Variants in GSTZ1 observed in about 807,000 individuals in gnomAD.
GSTZ1 encodes the protein glutathione S-transferase zeta 1.
Under a neutral mutation model 35.9 loss-of-function variants are expected in GSTZ1, and 34 were observed. The observed-to-expected ratio is 0.95, with a 90% CI of 0.72 to 1.26. GSTZ1 has a LOEUF of 1.26. GSTZ1 is among the 50% of genes most tolerant of loss of function. The probability of loss-of-function intolerance (pLI) is 0.00; values close to 1 mark genes in which losing one functional copy is unlikely to be tolerated. For missense variants in GSTZ1, 263 were observed against 271.7 expected, an observed-to-expected ratio of 0.97 and a Z score of 0.23; for synonymous variants, 93 against 101.2, an observed-to-expected ratio of 0.92 and a Z score of 0.49.
chr14:77,321,532 C>G (rs1003121145), intron 1 of GSTZ1: 1 of 1,311,548 alleles, frequency 7.6e-7, no homozygotes. Flanking sequence ...TTCTCGCAGC[C>G]CTTCATGCTC....
chr14:77,328,381 T>C (rs886300685), intron 5 of GSTZ1: 16 of 301,126 alleles, frequency 5.3e-5, no homozygotes, highest in African/African-American at 3.0e-4. Context: ...CTGTGCTATC[T>C]CAGTCATATA....
Position 77,329,823 on chromosome 14 carries a change from A to G in GSTZ1, c.474+16A>G, listed in dbSNP as rs1006293114. 13 of 1,603,824 alleles carry G rather than the reference A, an allele frequency of 8.1e-6. No individual in the cohort carries two copies. In the African/African-American group the frequency reaches 1.6e-4, roughly 20 times the overall value. On this transcript the variant is annotated intron_variant, in intron 7 of 8. Coordinates refer to ENST00000216465, the MANE Select transcript of GSTZ1 (RefSeq NM_145870.3). The stretch of plus-strand genomic sequence containing the variant: ...AGGAGACGAGGTAAGCTGTCCCCAG[A>G]CCTCCCCAGGCCCAGCCACAGTGGC...
At chr14:77,325,319 G>C in intron 2 of GSTZ1, 1 of 226,462 alleles carries the variant, frequency 4.4e-6, no homozygotes, top group Non-Finnish European at 9.0e-6. Context: ...AGCCTCGGAG[G>C]CTTCAGAAAA....
At chr14:77,329,025 G>A in intron 5 of GSTZ1, 98 bp from the exon 6 acceptor site, 1 of 857,708 alleles carries the variant, frequency 1.2e-6, no homozygotes, top group South Asian at 1.3e-5. Flanking sequence ...CATCCAGCCA[G>A]GGGCAGATGG....
chr14:77,330,949 C>A, intron 8 of GSTZ1, 120 bp from the exon 9 acceptor site: 1 of 893,200 alleles, frequency 1.1e-6, no homozygotes, highest in Non-Finnish European at 1.7e-6. Flanking sequence ...GCCCCATCGT[C>A]CTTCCCTGGA....
At chr14:77,329,074 C>A in intron 5 of GSTZ1, 49 bp from the exon 6 acceptor site, 1 of 1,321,568 alleles carries the variant, frequency 7.6e-7, no homozygotes. Context: ...GAAGGGGTAG[C>A]CCCCACCCAG....
chr14:77,330,222 C>T (rs754594591), intron 7 of GSTZ1, 88 bp from the exon 8 acceptor site: 8 of 904,282 alleles, frequency 8.8e-6, no homozygotes, highest in Non-Finnish European at 1.3e-5. Context: ...TTGTTGGTAC[C>T]CCCAGTAGAG....
chr14:77,324,428 G>A (rs1326348019), intron 1 of GSTZ1: 1 of 656,720 alleles, frequency 1.5e-6, no homozygotes, highest in Non-Finnish European at 2.8e-6. Flanking sequence ...TTACAGGCGT[G>A]AGCCACTGTG....
In GSTZ1 at chr14:77,327,623, C is replaced by G. The variant is rs74063327; in HGVS notation, c.216+71C>G. 1.6e-5 allele frequency: 17 copies of G among 1,031,872 alleles called. No homozygotes were observed. In the African/African-American group the frequency reaches 1.9e-4, roughly 11 times the overall value. 63.9% of individuals were successfully genotyped at this position (1,031,872 alleles called of 1,614,324 possible). Reference sequence around the variant, plus strand: ...GAATGAGAGCGCCTGACATCTCTTCCTCGCCTGTGTACAGTCAAGGTGCCT... The same window carrying G: ...GAATGAGAGCGCCTGACATCTCTTCGTCGCCTGTGTACAGTCAAGGTGCCT... On this transcript the variant is annotated intron_variant, in intron 4 of 8. Coordinates refer to ENST00000216465, the MANE Select transcript of GSTZ1 (RefSeq NM_145870.3).
At position 77,327,499 on chromosome 14, in the gene GSTZ1, C is replaced by A. The variant is rs1174410527; in HGVS notation, c.163C>A (p.Pro55Thr). ...TTCTAAGGACTTCCAGGCACTGAAT[C>A]CTATGAAGCAGGTGCCAACCCTGAA... ...QFSKDFQALN[P>T]MKQVPTLKID... The change falls in exon 4 of 9, where the codon CCT (proline) becomes ACT (threonine). Residue 55 changes from proline to threonine, a missense_variant. Pro to Thr is a conservative substitution (Grantham distance 38, BLOSUM62 -1). Coordinates refer to ENST00000216465, the MANE Select transcript of GSTZ1 (RefSeq NM_145870.3). 6.2e-7 allele frequency: 1 copy of A among 1,608,550 alleles called. No individual in the cohort carries two copies.
chr14:77,329,230 A>G (rs1374664375), intron 6 of GSTZ1, 29 bp downstream of exon 6: 2 of 1,430,222 alleles, frequency 1.4e-6, no homozygotes, highest in Admixed American at 3.3e-5. Context: ...GAGCTGCCCC[A>G]CAGTGGCCTC....
At chr14:77,329,966 A>G (rs1291029807) in intron 7 of GSTZ1, 159 bp downstream of exon 7, 2 of 665,720 alleles carry the variant, frequency 3.0e-6, no homozygotes, top group African/African-American at 3.6e-5. Flanking sequence ...CTTAAGAGGG[A>G]GTTACTCAAG....
chr14:77,330,972 C>A, intron 8 of GSTZ1, 97 bp from the exon 9 acceptor site: 2 of 1,234,450 alleles, frequency 1.6e-6, no homozygotes, highest in Non-Finnish European at 2.3e-6. Flanking sequence ...GCTCCCTCGA[C>A]CTCATCCAGC....
Position 77,327,470 on chromosome 14 carries a change from AG to A in GSTZ1, c.136-1del, listed in dbSNP as rs1445952941. On this transcript the variant is annotated splice_acceptor_variant, in intron 3 of 8. Coordinates refer to ENST00000216465, the MANE Select transcript of GSTZ1 (RefSeq NM_145870.3). LOFTEE classifies it high-confidence loss of function. ...CAGCCCACCAGGGCCTTGTCTCCAC[AG>A]TTTTCTAAGGACTTCCAGGCACTGA... 1 of 1,600,412 alleles carries A rather than the reference AG, an allele frequency of 6.2e-7. No homozygotes were observed. The highest frequency in any genetic ancestry group is 8.5e-7 in the Non-Finnish European group (1 of 1,171,324).
intron 2 of GSTZ1, chr14:77,325,392 C>A (rs928944080): frequency 1.5e-5 from 3 of 195,940 alleles, no homozygotes; most frequent in African/African-American, 7.0e-5. Context: ...CTTAACACAG[C>A]CTTTGGCAAA....
Position 77,328,196 on chromosome 14 carries a change from G to A in GSTZ1, c.342+159G>A, listed in dbSNP as rs185476723. On this transcript the variant is annotated intron_variant, in intron 5 of 8. Coordinates refer to ENST00000216465, the MANE Select transcript of GSTZ1 (RefSeq NM_145870.3). ...CATGTGAAAGAAGGGGGTGAAGATC[G>A]CAATCTCAGAATTCAGCCCCCCAGC... 65 of 724,792 alleles carry A rather than the reference G, an allele frequency of 9.0e-5. 1 individual carries two copies. The Admixed American group carries it at 9.1e-4, about 10-fold the overall frequency. 44.9% of individuals were successfully genotyped at this position (724,792 alleles called of 1,614,324 possible).
chr14:77,329,833 G>T, intron 7 of GSTZ1, 26 bp downstream of exon 7: 1 of 1,589,294 alleles, frequency 6.3e-7, no homozygotes, highest in Non-Finnish European at 8.6e-7. Flanking sequence ...ACCTCCCCAG[G>T]CCCAGCCACA....
chr14:77,327,943 G>A lies in GSTZ1; in HGVS notation c.248G>A (p.Arg83His), dbSNP rs765928511. ...LAIIEYLEEM[R>H]PTPRLLPQDP... Reference sequence around the variant, plus strand: ...ATCATTGAGTATCTAGAGGAGATGCGTCCCACTCCGCGACTTCTGCCTCAG... The same window carrying A: ...ATCATTGAGTATCTAGAGGAGATGCATCCCACTCCGCGACTTCTGCCTCAG... The change falls in exon 5 of 9, where the codon CGT becomes CAT. Residue 83 changes from arginine (R) to histidine (H), a missense_variant. Transcript: ENST00000216465. 3.5e-5 allele frequency: 57 copies of A among 1,613,718 alleles called. No individual in the cohort carries two copies. The highest frequency in any genetic ancestry group is 4.4e-5 in the South Asian group (4 of 91,080).
At chr14:77,329,923 G>A in intron 7 of GSTZ1, 116 bp downstream of exon 7, 1 of 794,480 alleles carries the variant, frequency 1.3e-6, no homozygotes, top group Non-Finnish European at 2.2e-6. Context: ...TCTGTGCCAT[G>A]GGGCACTCCT....
Sources: gnomAD v4.1 joint callset for allele counts on GRCh38, gnomAD v4.1.1 for gene constraint, MANE v1.5 for transcripts, NCBI Gene and HGNC (gene_info 2026-07-23, HGNC 2026-07-21) for gene names.